Variants in GABRR3 observed in about 807,000 individuals in gnomAD.
GABRR3 encodes the protein gamma-aminobutyric acid receptor subunit rho-3.
GABRR3 carries 29 observed loss-of-function variants against 43.2 expected under a neutral mutation model. That is an observed-to-expected ratio of 0.67 (90% CI 0.50 to 0.92). GABRR3 has a LOEUF of 0.92. Among genes scored for constraint, GABRR3 ranks in the 40% least tolerant of loss-of-function variants. The probability of loss-of-function intolerance (pLI) is 0.00; values close to 1 mark genes in which losing one functional copy is unlikely to be tolerated. For synonymous variants in GABRR3, 206 were observed against 195.9 expected (o/e 1.05, Z -0.43); for missense variants, 576 against 572.3 (o/e 1.01, Z -0.07).
intron 5 of GABRR3, 154 bp downstream of exon 5, chr3:98,012,190 C>G (rs1227350388): frequency 5.6e-6 from 1 of 177,230 alleles, no homozygotes; most frequent in African/African-American, 2.4e-5. Context: ...GATGTTAGAA[C>G]CAGGGGAAAA....
chr3:97,985,771 A>C (rs951821910), downstream of GABRR3, among the ~76,000 whole-genome samples: 66 of 152,300 alleles, frequency 4.3e-4, no homozygotes, highest in African/African-American at 1.5e-3. Flanking sequence ...TTAATTTAAC[A>C]TTAGAATGAG....
chr3:97,991,795 T>C (rs957348855), intron 9 of GABRR3, among the ~76,000 whole-genome samples: 2 of 152,154 alleles, frequency 1.3e-5, no homozygotes, highest in Non-Finnish European at 2.9e-5. Flanking sequence ...TGAGATGCTC[T>C]CAGAAGTAGA....
At chr3:98,001,855 A>C in intron 7 of GABRR3, 88 bp from the exon 8 acceptor site, 1 of 1,431,878 alleles carries the variant, frequency 7.0e-7, no homozygotes, top group African/African-American at 1.4e-5. Flanking sequence ...TTTAGACTCC[A>C]AGCTCTTGGG....
chr3:98,031,685 G>A (rs1187949874), intron 2 of GABRR3, among the ~76,000 whole-genome samples: 1 of 152,038 alleles, frequency 6.6e-6, no homozygotes, highest in Non-Finnish European at 1.5e-5. Flanking sequence ...TGAGGTTATA[G>A]TGAACTATGA....
chr3:98,023,413 G>A (rs1233701482), intron 3 of GABRR3, among the ~76,000 whole-genome samples: 1 of 152,136 alleles, frequency 6.6e-6, no homozygotes, highest in Admixed American at 6.6e-5. Flanking sequence ...CTGTGTGACT[G>A]GCGCCCCCTG....
At chr3:98,033,565 TCTC>T (rs1359225682) in intron 2 of GABRR3, among the ~76,000 whole-genome samples, 1 of 152,116 alleles carries the variant, frequency 6.6e-6, no homozygotes, top group Non-Finnish European at 1.5e-5. Flanking sequence ...TCATCTCTCT[TCTC>T]CTCATCTAAA....
chr3:98,002,758 T>C (rs998209792), intron 7 of GABRR3, among the ~76,000 whole-genome samples: 1 of 152,128 alleles, frequency 6.6e-6, no homozygotes, highest in East Asian at 1.9e-4. Context: ...TATTTTCAAA[T>C]AACATTATTC....
chr3:98,026,896 G>A (rs1707025295), intron 2 of GABRR3, among the ~76,000 whole-genome samples: 1 of 152,160 alleles, frequency 6.6e-6, no homozygotes, highest in Admixed American at 6.5e-5. Context: ...AGATCACCCA[G>A]TGTGGTCTTT....
At chr3:98,002,193 T>A (rs1236041154) in intron 7 of GABRR3, among the ~76,000 whole-genome samples, 2 of 152,152 alleles carry the variant, frequency 1.3e-5, no homozygotes, top group Non-Finnish European at 2.9e-5. Context: ...TCAGAGTATG[T>A]ACTAGGTCAT....
At chr3:98,003,520 C>T (rs1325670251) in intron 7 of GABRR3, among the ~76,000 whole-genome samples, 2 of 150,650 alleles carry the variant, frequency 1.3e-5, no homozygotes, top group East Asian at 2.0e-4. Flanking sequence ...TTTAGTTGAA[C>T]CTGCAGGTCA....
intron 2 of GABRR3, among the ~76,000 whole-genome samples, chr3:98,026,817 G>A (rs1001921576): frequency 2.0e-5 from 3 of 152,082 alleles, no homozygotes; most frequent in African/African-American, 4.8e-5. Context: ...ACACAATAAA[G>A]TGACTTCGAT....
chr3:98,015,954 A>C (rs1706867261), intron 4 of GABRR3, among the ~76,000 whole-genome samples: 1 of 152,176 alleles, frequency 6.6e-6, no homozygotes, highest in African/African-American at 2.4e-5. Context: ...ACAGTTCTGC[A>C]TGGCTGGGGA....
intron 4 of GABRR3, among the ~76,000 whole-genome samples, chr3:98,016,242 A>G (rs1706871948): frequency 6.6e-6 from 1 of 152,148 alleles, no homozygotes. Flanking sequence ...TTGACGGCAG[A>G]TCCTTCAGGA....
chr3:98,012,538 A>G (rs1162894394), exon 5 of GABRR3: 2 of 1,613,846 alleles, frequency 1.2e-6, no homozygotes, highest in South Asian at 1.1e-5. Flanking sequence ...CTTTCCAGTA[A>G]TGCCTGAGAT....
chr3:98,001,331 G>A (rs1421018872), intron 8 of GABRR3: 1 of 379,316 alleles, frequency 2.6e-6, no homozygotes, highest in East Asian at 4.3e-5. Context: ...AGCTTTAAAA[G>A]TGAGGCTGTT....
chr3:97,993,182 T>G lies in GABRR3; in HGVS notation c.908-134A>C, dbSNP rs1213801334. On this transcript the variant is annotated intron_variant, in intron 8 of 9. Transcript: ENST00000621172. ...TCCAAGAGGAGGGAAGGTGTGTGCA[T>G]GTTGACCAGCTATATATCTTGAGCC... 3 of 594,850 alleles carry G rather than the reference T, an allele frequency of 5.0e-6. No individual in the cohort carries two copies. The East Asian group carries it at 9.1e-5, about 18-fold the overall frequency. The allele number at this position is 594,850 out of a possible 1,614,324, so 36.8% of individuals were successfully genotyped here. A position where few individuals can be genotyped will look rare whatever the true frequency, so the allele number is the denominator to read the frequency against.
intron 2 of GABRR3, among the ~76,000 whole-genome samples, chr3:98,026,603 T>TCATCATCATCATCATTAG (rs1553720244): frequency 0.35 from 20,145 of 57,298 alleles, 1,617 homozygotes; most frequent in East Asian, 0.53. Flanking sequence ...AAGGTGGCTG[T>TCATCATCATCATCATTAG]CATCATCATC....
chr3:97,994,054 T>G (rs1041589524), intron 8 of GABRR3, among the ~76,000 whole-genome samples: 1 of 152,218 alleles, frequency 6.6e-6, no homozygotes, highest in African/African-American at 2.4e-5. Context: ...CTGGCTGGTA[T>G]GGTTTTATTT....
chr3:98,012,426 T>C (rs772634283), exon 5 of GABRR3: 8 of 1,613,978 alleles, frequency 5.0e-6, no homozygotes, highest in South Asian at 1.1e-5. Flanking sequence ...AAGGATCTTT[T>C]AGAGTGGACA....
Sources: allele counts gnomAD v4.1 joint callset (sites outside exome capture counted in the v4.1 genomes callset), GRCh38; gene constraint gnomAD v4.1.1; transcripts MANE v1.5; gene names NCBI Gene and HGNC (gene_info 2026-07-23, HGNC 2026-07-21).